RALYL: variants seen among roughly 807,000 people sequenced by gnomAD.
RALYL encodes RALY RNA binding protein like.
Under a neutral mutation model 35.1 loss-of-function variants are expected in RALYL, and 29 were observed. That is an observed-to-expected ratio of 0.83 (90% CI 0.61 to 1.13). The LOEUF (loss-of-function observed/expected upper bound fraction) is 1.13, where lower values mean the gene tolerates loss of function less well. Among genes scored for constraint, RALYL ranks in the 50% most tolerant of loss-of-function variants. The pLI, the probability that RALYL is intolerant of heterozygous loss-of-function variation, is 0.00. For synonymous variants in RALYL, 120 were observed against 127.6 expected, an observed-to-expected ratio of 0.94 and a Z score of 0.40; for missense variants, 359 against 360.4, an observed-to-expected ratio of 1.00 and a Z score of 0.03.
At chr8:84,728,033 C>T (rs1440203446) in intron 2 of RALYL, among the ~76,000 whole-genome samples, 1 of 151,610 alleles carries the variant, frequency 6.6e-6, no homozygotes. Context: ...GTTCTAGATC[C>T]CTGAGGAATC....
chr8:84,299,858 CTTT>C (rs1840445145), intron 1 of RALYL, among the ~76,000 whole-genome samples: 1 of 151,794 alleles, frequency 6.6e-6, no homozygotes, highest in South Asian at 2.1e-4. Context: ...TCTTTTTCTT[CTTT>C]ATTAGTCTCA....
intron 8 of RALYL, among the ~76,000 whole-genome samples, chr8:84,912,746 T>A (rs16913450): frequency 6.6e-6 from 1 of 152,008 alleles, no homozygotes; most frequent in Admixed American, 6.6e-5. Flanking sequence ...ATTGCCAACC[T>A]TCACACAAGG....
At chr8:84,708,435 A>G (rs1841586507) in intron 2 of RALYL, among the ~76,000 whole-genome samples, 1 of 152,172 alleles carries the variant, frequency 6.6e-6, no homozygotes, top group African/African-American at 2.4e-5. Context: ...TCACTCAAAT[A>G]GCAGATCTTA....
intron 1 of RALYL, among the ~76,000 whole-genome samples, chr8:84,394,977 G>A (rs999959635): frequency 1.3e-5 from 2 of 151,490 alleles, no homozygotes; most frequent in Non-Finnish European, 3.0e-5. Flanking sequence ...TATTTTTATT[G>A]GAAAGGTCAA....
intron 1 of RALYL, among the ~76,000 whole-genome samples, chr8:84,401,099 T>C (rs2042841007): frequency 6.6e-6 from 1 of 152,158 alleles, no homozygotes; most frequent in Non-Finnish European, 1.5e-5. Flanking sequence ...ATACAAAGTT[T>C]GAAAATCACT....
chr8:84,316,195 A>C (rs1207745006), intron 1 of RALYL, among the ~76,000 whole-genome samples: 1 of 152,010 alleles, frequency 6.6e-6, no homozygotes, highest in Admixed American at 6.6e-5. Context: ...CTAACGATTT[A>C]CTCTTTAGCA....
chr8:84,861,172 T>G (rs1281159220), intron 5 of RALYL, among the ~76,000 whole-genome samples: 1 of 152,208 alleles, frequency 6.6e-6, no homozygotes, highest in African/African-American at 2.4e-5. Context: ...CAATATTTTA[T>G]TCTGTCACAA....
intron 2 of RALYL, among the ~76,000 whole-genome samples, chr8:84,770,409 T>A (rs183511445): frequency 1.4e-4 from 21 of 152,060 alleles, no homozygotes; most frequent in African/African-American, 5.1e-4. Flanking sequence ...TAGTCCATCA[T>A]ATATATATAC....
At chr8:84,845,019 A>T (rs1834317411) in intron 4 of RALYL, among the ~76,000 whole-genome samples, 2 of 152,160 alleles carry the variant, frequency 1.3e-5, no homozygotes, top group Non-Finnish European at 2.9e-5. Context: ...CCTAATGTTA[A>T]ATGACGAGTT....
chr8:84,563,567 G>GTT (rs765428641), intron 2 of RALYL, among the ~76,000 whole-genome samples: 4 of 144,630 alleles, frequency 2.8e-5, no homozygotes, highest in Non-Finnish European at 6.1e-5. Flanking sequence ...AAATTGGTAA[G>GTT]TTTTTTTTTT....
Position 84,184,199 on chromosome 8 carries a change from A to G in RALYL, c.-249A>G, listed in dbSNP as rs1811901508. On this transcript the variant is annotated 5_prime_UTR_variant, in exon 1 of 9. The change abolishes an upstream ATG in the 5' untranslated region. Transcript: ENST00000521268. ...ACTTTTTTCCTCCTTTAAATTAACTATGACTTTTGCACATTTGACTTTTTT... is the reference window on the plus strand; with the variant it reads ...ACTTTTTTCCTCCTTTAAATTAACTGTGACTTTTGCACATTTGACTTTTTT... The G allele has an allele frequency of 6.6e-6, 1 of 152,020 alleles. No individual in the cohort carries two copies. Among genetic ancestry groups the G allele is most frequent in the Non-Finnish European group, 1.5e-5 (1 of 68,016 alleles). 9.4% of individuals were successfully genotyped at this position (152,020 alleles called of 1,614,324 possible).
At chr8:84,777,053 T>C (rs1364662642) in intron 3 of RALYL, among the ~76,000 whole-genome samples, 1 of 152,240 alleles carries the variant, frequency 6.6e-6, no homozygotes, top group Non-Finnish European at 1.5e-5. Flanking sequence ...ATTACCTTAA[T>C]TTTATGTGGA....
intron 1 of RALYL, among the ~76,000 whole-genome samples, chr8:84,493,017 A>G (rs958731501): frequency 1.3e-5 from 2 of 152,030 alleles, no homozygotes; most frequent in African/African-American, 4.8e-5. Flanking sequence ...CCCATCACCT[A>G]GGTTTTAAGC....
intron 2 of RALYL, among the ~76,000 whole-genome samples, chr8:84,684,625 G>A (rs1216021098): frequency 6.6e-6 from 1 of 152,174 alleles, no homozygotes; most frequent in Non-Finnish European, 1.5e-5. Flanking sequence ...GTATTTGAAA[G>A]GTCAGAACTG....
intron 2 of RALYL, among the ~76,000 whole-genome samples, chr8:84,537,121 A>G (rs890560039): frequency 8.0e-5 from 12 of 149,712 alleles, no homozygotes; most frequent in African/African-American, 2.9e-4. Flanking sequence ...GTGCACATGT[A>G]CCCTAGAACT....
At chr8:84,514,562 G>T (rs918211661) in intron 1 of RALYL, among the ~76,000 whole-genome samples, 1 of 152,066 alleles carries the variant, frequency 6.6e-6, no homozygotes, top group African/African-American at 2.4e-5. Context: ...GAAGCAAAAG[G>T]GTCTAGTTTG....
At chr8:84,620,974 G>T (rs1482643913) in intron 2 of RALYL, among the ~76,000 whole-genome samples, 1 of 152,134 alleles carries the variant, frequency 6.6e-6, no homozygotes, top group East Asian at 1.9e-4. Context: ...GCTGCGTGCT[G>T]GGAGAACCAC....
chr8:84,385,224 T>A (rs1858922240), intron 1 of RALYL, among the ~76,000 whole-genome samples: 1 of 151,856 alleles, frequency 6.6e-6, no homozygotes, highest in Non-Finnish European at 1.5e-5. Flanking sequence ...CTAAACTACT[T>A]TTACATTCCA....
At chr8:84,398,899 A>G (rs2042604925) in intron 1 of RALYL, among the ~76,000 whole-genome samples, 1 of 151,540 alleles carries the variant, frequency 6.6e-6, no homozygotes, top group Non-Finnish European at 1.5e-5. Flanking sequence ...GCTTGAATCC[A>G]GGAGGCAGAG....
Sources: allele counts gnomAD v4.1 joint callset (sites outside exome capture counted in the v4.1 genomes callset), GRCh38; gene constraint gnomAD v4.1.1; transcripts MANE v1.5; gene names NCBI Gene and HGNC (gene_info 2026-07-23, HGNC 2026-07-21).